The following UNC80 variants were observed in gnomAD, a reference collection of about 807,000 sequenced individuals.
UNC80 encodes protein unc-80 homolog.
Under a neutral mutation model 384.6 loss-of-function variants are expected in UNC80, and 164 were observed. That is an observed-to-expected ratio of 0.43 (90% CI 0.38 to 0.49). The LOEUF is 0.49. Ranked by LOEUF, UNC80 falls within the 20% of genes least tolerant of loss-of-function variation. The pLI, the probability that UNC80 is intolerant of heterozygous loss-of-function variation, is 0.00. For synonymous variants in UNC80, 1,486 were observed against 1,527.8 expected, an observed-to-expected ratio of 0.97 and a Z score of 0.64; for missense variants, 3,330 against 4,143.0, an observed-to-expected ratio of 0.80 and a Z score of 5.39.
chr2:209,789,429 A>C (rs1009542495), intron 5 of UNC80, 103 bp from the exon 6 acceptor site: 4 of 753,378 alleles, frequency 5.3e-6, no homozygotes, highest in Non-Finnish European at 6.7e-6. Flanking sequence ...TAAAGTAATA[A>C]TGTTCTATTA....
chr2:209,897,574 TA>T (rs1198557814), intron 28 of UNC80, among the ~76,000 whole-genome samples: 2 of 151,798 alleles, frequency 1.3e-5, no homozygotes, highest in South Asian at 2.1e-4. Flanking sequence ...TTAATTAATT[TA>T]AAAAAAAACT....
Position 209,917,869 on chromosome 2 carries a change from C to CTGAA in UNC80, c.5123_5126dup (p.Ala1710GlufsTer29). Reference sequence around the variant, plus strand: ...CCACCACCCGGAGACTGTGCAGAGGCTGAACGCTGTCCTCAAGTTCCACAC... The same window carrying CTGAA: ...CCACCACCCGGAGACTGTGCAGAGGCTGAATGAACGCTGTCCTCAAGTTCCACAC... On this transcript the variant is annotated frameshift_variant, in exon 32 of 65. Coordinates refer to ENST00000673920, the MANE Select transcript of UNC80 (RefSeq NM_001371986.1). LOFTEE classifies it high-confidence loss of function. 6.4e-7 allele frequency: 1 copy of CTGAA among 1,551,960 alleles called. No individual in the cohort carries two copies. The highest frequency in any genetic ancestry group is 8.7e-7 in the Non-Finnish European group (1 of 1,147,050).
chr2:209,993,491 G>A, intron 63 of UNC80, 65 bp downstream of exon 63: 1 of 1,440,906 alleles, frequency 6.9e-7, no homozygotes. Context: ...CACCCAGGAA[G>A]GCTTACAAAA....
intron 1 of UNC80, 93 bp from the exon 2 acceptor site, chr2:209,773,001 A>G (rs1446809877): frequency 3.9e-6 from 4 of 1,015,516 alleles, no homozygotes; most frequent in Admixed American, 4.2e-5. Context: ...ATTTCATAGC[A>G]TCCTGTCTTA....
intron 24 of UNC80, among the ~76,000 whole-genome samples, chr2:209,879,405 A>G (rs373680359): frequency 6.6e-6 from 1 of 152,186 alleles, no homozygotes; most frequent in Admixed American, 6.5e-5. Flanking sequence ...GTCATTTACC[A>G]ATATGTTCTG....
At chr2:209,848,336 G>A (rs1325826789) in intron 21 of UNC80, among the ~76,000 whole-genome samples, 1 of 152,004 alleles carries the variant, frequency 6.6e-6, no homozygotes, top group East Asian at 1.9e-4. Flanking sequence ...TGAAGGTATT[G>A]AATTTTGAAC....
intron 44 of UNC80, 141 bp from the exon 45 acceptor site, chr2:209,943,239 T>C (rs2091738717): frequency 2.9e-6 from 3 of 1,051,558 alleles, no homozygotes; most frequent in South Asian, 1.9e-5. Context: ...AGAGAAAGTT[T>C]ATGCCATTTT....
At chr2:209,882,307 G>A (rs990652872) in intron 25 of UNC80, among the ~76,000 whole-genome samples, 4 of 152,062 alleles carry the variant, frequency 2.6e-5, no homozygotes, top group Non-Finnish European at 4.4e-5. Flanking sequence ...GAGCAAGGCC[G>A]TGTCCCAAGC....
intron 28 of UNC80, among the ~76,000 whole-genome samples, chr2:209,903,106 C>A (rs2087612494): frequency 6.6e-6 from 1 of 151,626 alleles, no homozygotes; most frequent in South Asian, 2.1e-4. Context: ...ACTTATAATA[C>A]CTAATACAAT....
intron 4 of UNC80, among the ~76,000 whole-genome samples, chr2:209,779,263 C>A (rs1201158489): frequency 2.6e-5 from 4 of 152,142 alleles, no homozygotes; most frequent in African/African-American, 9.7e-5. Context: ...CACTAACCAT[C>A]TTCAGGCTTG....
At chr2:209,864,898 G>GC (rs2083605977) in intron 22 of UNC80, among the ~76,000 whole-genome samples, 1 of 152,246 alleles carries the variant, frequency 6.6e-6, no homozygotes, top group African/African-American at 2.4e-5. Context: ...AGTTCAGTAG[G>GC]CTTAAGCAGA....
intron 7 of UNC80, among the ~76,000 whole-genome samples, chr2:209,808,143 T>C (rs1227593419): frequency 2.0e-5 from 3 of 152,172 alleles, no homozygotes; most frequent in South Asian, 2.1e-4. Context: ...AACTGTACAG[T>C]TGGTAATTAC....
In UNC80 at chr2:209,904,701, A is replaced by G. The variant is rs2087964215; in HGVS notation, c.4582-64A>G. On this transcript the variant is annotated intron_variant, in intron 28 of 64. Transcript: ENST00000673920. ...TCTGACTTCCCATCTTCCACCCCATAGATATGTTCAGTTTATCTGTACCCT... is the reference window on the plus strand; with the variant it reads ...TCTGACTTCCCATCTTCCACCCCATGGATATGTTCAGTTTATCTGTACCCT... 12 of 1,392,140 alleles carry G rather than the reference A, an allele frequency of 8.6e-6. No homozygotes were observed. The East Asian group carries it at 1.2e-4, about 14-fold the overall frequency. The allele number at this position is 1,392,140 out of a possible 1,614,324, so 86.2% of individuals were successfully genotyped here. A position where few individuals can be genotyped will look rare whatever the true frequency, so the allele number is the denominator to read the frequency against.
Position 209,957,789 on chromosome 2 carries a change from A to C in UNC80, c.7550+53A>C, listed in dbSNP as rs545338261. 3 of 1,508,402 alleles carry C rather than the reference A, an allele frequency of 2.0e-6. No individual in the cohort carries two copies. The Admixed American group carries it at 5.9e-5, about 30-fold the overall frequency. The allele number at this position is 1,508,402 out of a possible 1,614,324, so 93.4% of individuals were successfully genotyped here. On this transcript the variant is annotated intron_variant, in intron 49 of 64. Transcript: ENST00000673920. ...GGTCTCTCAATTTCATACAACCCGAATGTCAGCTGTTGAGAATGAAAGGAA... is the reference window on the plus strand; with the variant it reads ...GGTCTCTCAATTTCATACAACCCGACTGTCAGCTGTTGAGAATGAAAGGAA...
chr2:209,791,652 C>G (rs1174155562), intron 6 of UNC80, among the ~76,000 whole-genome samples: 1 of 151,720 alleles, frequency 6.6e-6, no homozygotes, highest in Non-Finnish European at 1.5e-5. Flanking sequence ...AACCCTGTCT[C>G]TACTAAGAAT....
chr2:209,926,088 A>G (rs1311637007), intron 35 of UNC80, among the ~76,000 whole-genome samples: 1 of 152,170 alleles, frequency 6.6e-6, no homozygotes, highest in Admixed American at 6.5e-5. Flanking sequence ...GTATTTATCA[A>G]TGAGGATGAA....
chr2:209,898,965 G>A (rs1032786579), intron 28 of UNC80, among the ~76,000 whole-genome samples: 11 of 152,072 alleles, frequency 7.2e-5, no homozygotes, highest in African/African-American at 2.4e-4. Context: ...TCTTCTTTAT[G>A]GCTGAGTAGT....
chr2:209,866,533 C>CACAGAGAGAG (rs1307214321), intron 22 of UNC80, among the ~76,000 whole-genome samples: 1 of 104,084 alleles, frequency 9.6e-6, no homozygotes, highest in Non-Finnish European at 2.0e-5. Context: ...CACACACACA[C>CACAGAGAGAG]AGAGAGAGAG....
chr2:209,946,789 C>CA (rs2091934722), intron 47 of UNC80, among the ~76,000 whole-genome samples: 1 of 152,114 alleles, frequency 6.6e-6, no homozygotes, highest in South Asian at 2.1e-4. Context: ...CAAGCTCTTC[C>CA]AGGAAGAAGG....
Sources: allele counts gnomAD v4.1 joint callset (sites outside exome capture counted in the v4.1 genomes callset), GRCh38; gene constraint gnomAD v4.1.1; transcripts MANE v1.5; gene names NCBI Gene and HGNC (gene_info 2026-07-23, HGNC 2026-07-21).